Variants in LSM14A observed in about 807,000 individuals in gnomAD.
The protein encoded by LSM14A is protein LSM14 homolog A.
A neutral mutation model predicts 52.4 loss-of-function variants in LSM14A; 14 were observed. That is an observed-to-expected ratio of 0.27 (90% confidence interval 0.18 to 0.42). The LOEUF (loss-of-function observed/expected upper bound fraction) is 0.42. Among genes scored for constraint, LSM14A ranks in the 10% least tolerant of loss-of-function variants. LSM14A has a pLI of 1.00. For synonymous variants in LSM14A, 185 were observed against 200.3 expected (o/e 0.92, Z 0.64); for missense variants, 417 against 581.8 (o/e 0.72, Z 2.91).
intron 1 of LSM14A, 121 bp from the exon 2 acceptor site, chr19:34,194,357 A>C: frequency 1.1e-6 from 1 of 949,734 alleles, no homozygotes; most frequent in South Asian, 1.7e-5. Flanking sequence ...TAGATTAATG[A>C]ATACTTTCTC....
chr19:34,219,460 T>G lies in LSM14A; in HGVS notation c.851T>G (p.Ile284Ser). 2 of 1,614,104 alleles carry G rather than the reference T, an allele frequency of 1.2e-6. No homozygotes were observed. Among genetic ancestry groups the G allele is most frequent in the Non-Finnish European group, 1.7e-6 (2 of 1,179,996 alleles). ...GHRGGRGRFG[I>S]RRDGPMKFEK... The stretch of plus-strand genomic sequence containing the variant: ...CGGGGTGGCAGGGGAAGATTTGGTA[T>G]TCGGCGAGATGGGCCAATGAAATTT... Residue 284 changes from isoleucine to serine, a missense_variant, in exon 7 of 10, where the codon ATT becomes AGT. By Grantham distance (142) the Ile-to-Ser change is moderately radical. Transcript: ENST00000544216.
chr19:34,194,841 TTTA>T (rs2070724249), intron 2 of LSM14A, among the ~76,000 whole-genome samples, 200 bp downstream of exon 2: 1 of 152,236 alleles, frequency 6.6e-6, no homozygotes, highest in South Asian at 2.1e-4. Context: ...AGCTGAGGAA[TTTA>T]TTATGAAATA....
rs1031878763 is a variant in LSM14A, at chr19:34,229,048, A to C, written c.*1660A>C. 1 of 152,238 alleles carries C rather than the reference A, an allele frequency of 6.6e-6. No homozygotes were observed. Among genetic ancestry groups the C allele is most frequent in the African/African-American group, 2.4e-5 (1 of 41,444 alleles). 9.4% of individuals were successfully genotyped at this position (152,238 alleles called of 1,614,324 possible). ...CATTCAGAGCATCAGAGCAAGTACC[A>C]TGGCAATACATGTGTAGACTGTTGG... is the stretch of plus-strand genomic sequence containing the variant. On this transcript the variant is annotated 3_prime_UTR_variant, in exon 10 of 10. Coordinates refer to ENST00000544216, the MANE Select transcript of LSM14A (RefSeq NM_015578.4).
chr19:34,178,012 T>C (rs1468055154), intron 1 of LSM14A, among the ~76,000 whole-genome samples: 1 of 151,400 alleles, frequency 6.6e-6, no homozygotes, highest in Non-Finnish European at 1.5e-5. Context: ...AATACAAAAA[T>C]TATCTGGGCG....
chr19:34,202,466 T>G (rs2071370868), intron 3 of LSM14A, among the ~76,000 whole-genome samples: 1 of 150,706 alleles, frequency 6.6e-6, no homozygotes, highest in South Asian at 2.1e-4. Flanking sequence ...GCACTCCAGC[T>G]TGGGAAACAG....
intron 8 of LSM14A, among the ~76,000 whole-genome samples, chr19:34,220,616 A>G (rs1391442038): frequency 1.3e-5 from 2 of 151,702 alleles, no homozygotes; most frequent in African/African-American, 4.8e-5. Flanking sequence ...GCCCAATCCA[A>G]ATTGTCATTG....
intron 6 of LSM14A, among the ~76,000 whole-genome samples, chr19:34,218,409 G>T (rs2072828994): frequency 6.6e-6 from 1 of 152,132 alleles, no homozygotes; most frequent in African/African-American, 2.4e-5. Context: ...TACTTATCTA[G>T]ATTTATGTCT....
intron 2 of LSM14A, among the ~76,000 whole-genome samples, chr19:34,195,732 A>G (rs2070788542): frequency 6.6e-6 from 1 of 152,240 alleles, no homozygotes; most frequent in South Asian, 2.1e-4. Context: ...ATAGCTCCCT[A>G]CACCAAACAC....
chr19:34,194,068 G>A (rs2070663820), intron 1 of LSM14A, among the ~76,000 whole-genome samples: 1 of 152,142 alleles, frequency 6.6e-6, no homozygotes, highest in Admixed American at 6.5e-5. Context: ...AGCTACGTGG[G>A]AGGTTGAGAT....
rs548976119 is a variant in LSM14A at position 34,195,576 on chromosome 19, G to A, written c.285+935G>A. Among the ~76,000 whole-genome samples the A allele has an allele frequency of 4.6e-5, 7 of 152,334 alleles. 1 individual carries two copies. The highest frequency in any genetic ancestry group is 1.4e-4 in the African/African-American group (6 of 41,576). On this transcript the variant is annotated intron_variant, in intron 2 of 9. Coordinates refer to ENST00000544216, the MANE Select transcript of LSM14A (RefSeq NM_015578.4). ...AATTTAAGCTTTTTAATAAGGAATT[G>A]TAAATTTTGTTGCAGCATAAGCTGG...
At chr19:34,226,404 TCA>T in intron 9 of LSM14A, 2 of 1,466,316 alleles carry the variant, frequency 1.4e-6, no homozygotes, top group South Asian at 1.3e-5. Flanking sequence ...TTTTTACCTT[TCA>T]GAAAACCACA....
At position 34,221,634 on chromosome 19, in the gene LSM14A, G is replaced by A. The variant is rs1338164654; in HGVS notation, c.1264G>A (p.Gly422Arg). Residue 422 changes from glycine (G) to arginine (R), a missense_variant, in exon 9 of 10, where the codon GGG becomes AGG. This residue lies in a region of LSM14A where 357 missense variants were observed against 457.0 expected (regional missense o/e 0.78). Transcript: ENST00000544216. ...AGGTCTTGGTTTCCGTGGTGGCAGA[G>A]GGCGTGGTGGTGGCAGAGGTGGTAC... ...RGGLGFRGGR[G>R]RGGGRGGTFT... 13 of 1,614,146 alleles carry A rather than the reference G, an allele frequency of 8.1e-6. No homozygotes were observed. The highest frequency in any genetic ancestry group is 1.1e-5 in the Non-Finnish European group (13 of 1,180,028).
intron 8 of LSM14A, 90 bp from the exon 9 acceptor site, chr19:34,221,417 T>C (rs1031871941): frequency 4.9e-5 from 66 of 1,358,726 alleles, no homozygotes; most frequent in Middle Eastern, 2.6e-4. Flanking sequence ...AGTAATTACT[T>C]AGGCTTAATT....
chr19:34,219,967 C>A, intron 8 of LSM14A, 90 bp downstream of exon 8: 1 of 928,426 alleles, frequency 1.1e-6, no homozygotes, highest in Non-Finnish European at 1.7e-6. Flanking sequence ...ATGAATACTA[C>A]CATAATTGTT....
At chr19:34,217,255 CAAAAAAAA>C (rs55881439) in intron 6 of LSM14A, among the ~76,000 whole-genome samples, 8 of 110,272 alleles carry the variant, frequency 7.3e-5, no homozygotes, top group Non-Finnish European at 1.3e-4. Flanking sequence ...GAGAGTCTGT[CAAAAAAAA>C]AAAAAAAAAA....
At chr19:34,226,270 T>C in intron 9 of LSM14A, 2 of 860,182 alleles carry the variant, frequency 2.3e-6, no homozygotes, top group South Asian at 3.5e-5. Context: ...TTTCCTCAGA[T>C]GGGGTTCAAA....
intron 3 of LSM14A, chr19:34,208,282 A>G (rs772891455): frequency 1.3e-5 from 2 of 152,222 alleles, no homozygotes; most frequent in African/African-American, 2.4e-5. Context: ...TGAAATACCA[A>G]GGAAAGAGCA....
At chr19:34,173,630 T>C (rs2068872603) in intron 1 of LSM14A, among the ~76,000 whole-genome samples, 1 of 152,194 alleles carries the variant, frequency 6.6e-6, no homozygotes, top group Admixed American at 6.5e-5. Flanking sequence ...CGTTCACACG[T>C]GCAGGGCCTT....
chr19:34,226,257 G>A, intron 9 of LSM14A: 1 of 770,804 alleles, frequency 1.3e-6, no homozygotes, highest in Non-Finnish European at 2.0e-6. Context: ...AATCACATCT[G>A]TGTTTCCTCA....
Sources: allele counts gnomAD v4.1 joint callset (sites outside exome capture counted in the v4.1 genomes callset), GRCh38; gene constraint gnomAD v4.1.1; regional missense constraint gnomAD v4.1.1; transcripts MANE v1.5; gene names NCBI Gene and HGNC (gene_info 2026-07-23, HGNC 2026-07-21).